Variants in PARD3 observed in about 807,000 individuals in gnomAD.
PARD3 encodes partitioning defective 3 homolog.
Under a neutral mutation model 155.4 loss-of-function variants are expected in PARD3, and 75 were observed. The observed-to-expected ratio is 0.48, with a 90% CI of 0.40 to 0.58. PARD3 has a LOEUF of 0.58. Ranked by LOEUF, PARD3 falls within the 20% of genes least tolerant of loss-of-function variation. The pLI, the probability that PARD3 is intolerant of heterozygous loss-of-function variation, is 0.00. For missense variants in PARD3, 1,642 were observed against 1,721.7 expected (o/e 0.95, Z 0.82); for synonymous variants, 576 against 610.5 (o/e 0.94, Z 0.83).
chr10:34,682,687 A>G (rs1011212327), intron 2 of PARD3, among the ~76,000 whole-genome samples: 1 of 152,056 alleles, frequency 6.6e-6, no homozygotes, highest in Non-Finnish European at 1.5e-5. Context: ...ACGTCACTGC[A>G]CTCCAGCCTG....
chr10:34,478,612 C>T (rs2078866478), intron 3 of PARD3, among the ~76,000 whole-genome samples: 2 of 152,064 alleles, frequency 1.3e-5, no homozygotes, highest in African/African-American at 2.4e-5. Flanking sequence ...GGTGCGATCT[C>T]GGCTCACTGC....
chr10:34,621,203 G>T (rs558424712), intron 2 of PARD3, among the ~76,000 whole-genome samples: 8 of 151,884 alleles, frequency 5.3e-5, no homozygotes, highest in Admixed American at 4.6e-4. Flanking sequence ...TTGTTTTTTT[G>T]GGGGTTTTTT....
intron 1 of PARD3, among the ~76,000 whole-genome samples, chr10:34,790,850 G>A (rs1407947527): frequency 2.0e-5 from 3 of 152,080 alleles, no homozygotes; most frequent in South Asian, 2.1e-4. Context: ...AAAATGGCCT[G>A]TGACCCAAAA....
intron 2 of PARD3, among the ~76,000 whole-genome samples, chr10:34,631,658 CAG>C (rs2092276285): frequency 1.3e-5 from 2 of 152,230 alleles, no homozygotes; most frequent in South Asian, 4.1e-4. Flanking sequence ...GGCTGAAGTG[CAG>C]TGGCACAATC....
chr10:34,630,789 A>G (rs781363853), intron 2 of PARD3, among the ~76,000 whole-genome samples: 2 of 150,030 alleles, frequency 1.3e-5, no homozygotes, highest in African/African-American at 2.5e-5. Context: ...ACACATAGTG[A>G]TTTCTGTAAA....
At chr10:34,766,617 C>CAAAAA (rs34958448) in intron 1 of PARD3, among the ~76,000 whole-genome samples, 18 of 81,768 alleles carry the variant, frequency 2.2e-4, no homozygotes, top group African/African-American at 6.9e-4. Context: ...ACTTAATTGA[C>CAAAAA]AAAAAAAAAA....
At chr10:34,732,730 C>T (rs1177120189) in intron 1 of PARD3, among the ~76,000 whole-genome samples, 1 of 152,104 alleles carries the variant, frequency 6.6e-6, no homozygotes, top group African/African-American at 2.4e-5. Flanking sequence ...ATTGATTAAT[C>T]GGTGATAAAT....
At chr10:34,705,600 A>G (rs1382872860) in intron 1 of PARD3, among the ~76,000 whole-genome samples, 4 of 152,180 alleles carry the variant, frequency 2.6e-5, no homozygotes, top group African/African-American at 9.7e-5. Context: ...TTGCCTTCTC[A>G]ATACAGGGAG....
intron 22 of PARD3, among the ~76,000 whole-genome samples, chr10:34,251,985 G>A (rs1954338630): frequency 6.6e-6 from 1 of 152,090 alleles, no homozygotes. Flanking sequence ...CCCCTGCCCC[G>A]CTCCAAAATG....
intron 15 of PARD3, among the ~76,000 whole-genome samples, chr10:34,347,026 C>A (rs1271122785): frequency 6.6e-6 from 1 of 152,154 alleles, no homozygotes; most frequent in African/African-American, 2.4e-5. Flanking sequence ...TCCATAAACA[C>A]CCACTGATGA....
At chr10:34,706,499 C>T (rs1248950050) in intron 1 of PARD3, among the ~76,000 whole-genome samples, 1 of 152,200 alleles carries the variant, frequency 6.6e-6, no homozygotes, top group Non-Finnish European at 1.5e-5. Flanking sequence ...GTAATCCCAG[C>T]ACTCTGGGAG....
chr10:34,726,798 C>G (rs181092981), intron 1 of PARD3, among the ~76,000 whole-genome samples: 6 of 151,974 alleles, frequency 3.9e-5, no homozygotes, highest in Non-Finnish European at 7.4e-5. Flanking sequence ...GAGCGGGGGT[C>G]TTTTCTGTCT....
intron 24 of PARD3, among the ~76,000 whole-genome samples, chr10:34,114,270 G>C (rs1162712591): frequency 6.6e-6 from 1 of 152,000 alleles, no homozygotes; most frequent in African/African-American, 2.4e-5. Flanking sequence ...TCTAAAAGAG[G>C]AGAAAAAGAA....
At chr10:34,571,815 T>G (rs1449492145) in intron 2 of PARD3, among the ~76,000 whole-genome samples, 1 of 152,218 alleles carries the variant, frequency 6.6e-6, no homozygotes, top group Non-Finnish European at 1.5e-5. Flanking sequence ...TATTAATATC[T>G]GTACCAATTT....
chr10:34,809,640 G>T (rs1843845597), intron 1 of PARD3, among the ~76,000 whole-genome samples: 1 of 152,202 alleles, frequency 6.6e-6, no homozygotes, highest in Non-Finnish European at 1.5e-5. Context: ...CAGAGGGAGT[G>T]GCTGGAAGGC....
chr10:34,284,573 T>C (rs1034683898), intron 20 of PARD3, among the ~76,000 whole-genome samples: 2 of 152,230 alleles, frequency 1.3e-5, no homozygotes, highest in East Asian at 1.9e-4. Flanking sequence ...CTGAATACTT[T>C]AGATGCTAGA....
intron 2 of PARD3, among the ~76,000 whole-genome samples, chr10:34,640,468 T>C (rs1287795495): frequency 6.6e-6 from 1 of 151,662 alleles, no homozygotes; most frequent in East Asian, 1.9e-4. Context: ...AATACAAAAA[T>C]TAGCTGGGCG....
intron 2 of PARD3, among the ~76,000 whole-genome samples, chr10:34,523,820 T>A (rs1022809655): frequency 6.6e-6 from 1 of 152,240 alleles, no homozygotes; most frequent in South Asian, 2.1e-4. Flanking sequence ...CCATGATGTA[T>A]AATTCTAAAC....
intron 4 of PARD3, among the ~76,000 whole-genome samples, chr10:34,459,228 G>C (rs753783095): frequency 6.6e-6 from 1 of 152,014 alleles, no homozygotes; most frequent in African/African-American, 2.4e-5. Context: ...GTGCAGTGGC[G>C]TGATCTCGGC....
Sources: gnomAD v4.1 joint callset for allele counts (sites outside exome capture counted in the v4.1 genomes callset) on GRCh38, gnomAD v4.1.1 for gene constraint, MANE v1.5 for transcripts, NCBI Gene and HGNC (gene_info 2026-07-23, HGNC 2026-07-21) for gene names.